Variants in GOT2 observed in about 807,000 individuals in gnomAD.
GOT2 encodes glutamic-oxaloacetic transaminase 2, also known as aspartate aminotransferase, mitochondrial.
A neutral mutation model predicts 50.0 loss-of-function variants in GOT2; 17 were observed. That is an observed-to-expected ratio of 0.34 (90% CI 0.23 to 0.51). The LOEUF (loss-of-function observed/expected upper bound fraction) is 0.51, where lower values mean the gene tolerates loss of function less well. GOT2 is among the 20% of genes least tolerant of loss of function. GOT2 has a pLI of 0.97. For missense variants in GOT2, 430 were observed against 559.6 expected, an observed-to-expected ratio of 0.77 and a Z score of 2.34; for synonymous variants, 172 against 204.9, an observed-to-expected ratio of 0.84 and a Z score of 1.37.
At chr16:58,709,260 CAAAACA>C (rs941731163) in intron 9 of GOT2, 151 bp downstream of exon 9, 9 of 732,938 alleles carry the variant, frequency 1.2e-5, no homozygotes, top group South Asian at 2.2e-5. Context: ...GAGACTGTCT[CAAAACA>C]AAAACAAAAA....
At chr16:58,710,395 TC>T (rs2044636974) in intron 8 of GOT2, among the ~76,000 whole-genome samples, 1 of 150,486 alleles carries the variant, frequency 6.6e-6, no homozygotes, top group Non-Finnish European at 1.5e-5. Context: ...AATTTTCTTT[TC>T]TTTTTTTTTT....
In GOT2 at chr16:58,707,235, C is replaced by G. The variant is rs2044610738; in HGVS notation, c.*936G>C. On this transcript the variant is annotated 3_prime_UTR_variant, in exon 10 of 10. Transcript: ENST00000245206. ...TCCAGTGGGTGAAGCCTGAACCCAG[C>G]TAGCAGCACGCAAAGCCTAGAATAT... 1 of 152,186 alleles carries G rather than the reference C, an allele frequency of 6.6e-6. No individual in the cohort carries two copies. Among genetic ancestry groups the G allele is most frequent in the African/African-American group, 2.4e-5 (1 of 41,422 alleles). 9.4% of individuals were successfully genotyped at this position (152,186 alleles called of 1,614,324 possible). A position where few individuals can be genotyped will look rare whatever the true frequency, so the allele number is the denominator to read the frequency against.
At chr16:58,720,843 C>T (rs762973613) in intron 3 of GOT2, among the ~76,000 whole-genome samples, 3 of 152,026 alleles carry the variant, frequency 2.0e-5, no homozygotes, top group African/African-American at 4.8e-5. Context: ...GCCTTGGTCC[C>T]GGAAAGTGCT....
intron 5 of GOT2, 105 bp downstream of exon 5, chr16:58,718,422 T>C: frequency 7.5e-7 from 1 of 1,335,514 alleles, no homozygotes; most frequent in Non-Finnish European, 1.0e-6. Context: ...GGGAATCAGC[T>C]CTTCCCCAGT....
chr16:58,733,004 G>C (rs2044847982), intron 1 of GOT2, among the ~76,000 whole-genome samples: 1 of 152,234 alleles, frequency 6.6e-6, no homozygotes, highest in African/African-American at 2.4e-5. Flanking sequence ...TGGGGCCTTG[G>C]AAAGGACAGA....
chr16:58,712,099 CT>C, intron 8 of GOT2, among the ~76,000 whole-genome samples: 1 of 152,218 alleles, frequency 6.6e-6, no homozygotes, highest in Admixed American at 6.5e-5. Context: ...AAAAAAAGCC[CT>C]TTCCCCTCTT....
In GOT2 at chr16:58,716,037, G is replaced by C; in HGVS notation, c.996C>G (p.Asn332Lys). 1 of 1,613,254 alleles carries C rather than the reference G, an allele frequency of 6.2e-7. No homozygotes were observed. Among genetic ancestry groups the C allele is most frequent in the Non-Finnish European group, 8.5e-7 (1 of 1,179,820 alleles). The part of the protein sequence containing the change: ...NGARIAAAIL[N>K]TPDLRKQWLQ... The stretch of plus-strand genomic sequence containing the variant: ...ACCATTGTTTTCGCAAATCTGGGGT[G>C]TTCAGAATGGCAGCAGCAATCCGGG... The change falls in exon 8 of 10, where the codon AAC becomes AAG. Residue 332 changes from asparagine to lysine, a missense_variant. Transcript: ENST00000245206.
At chr16:58,718,434 T>TC in intron 5 of GOT2, 93 bp downstream of exon 5, 1 of 1,394,186 alleles carries the variant, frequency 7.2e-7, no homozygotes, top group Non-Finnish European at 9.9e-7. Flanking sequence ...TTCCCCAGTA[T>TC]TTTAACTCAG....
chr16:58,716,457 G>A, intron 7 of GOT2: 2 of 611,210 alleles, frequency 3.3e-6, no homozygotes, highest in Admixed American at 3.4e-5. Flanking sequence ...TTCCTTTGCT[G>A]GAAAAACTTA....
chr16:58,718,406 A>G, intron 5 of GOT2, 106 bp from the exon 6 acceptor site: 4 of 1,333,634 alleles, frequency 3.0e-6, no homozygotes, highest in Non-Finnish European at 4.2e-6. Flanking sequence ...AGGTAACCAG[A>G]ACCCTGGGAA....
intron 1 of GOT2, among the ~76,000 whole-genome samples, chr16:58,732,777 AT>A (rs2044845721): frequency 1.3e-5 from 2 of 152,260 alleles, no homozygotes; most frequent in Admixed American, 6.5e-5. Context: ...ACAAGGTATT[AT>A]TTTAAGATTA....
chr16:58,729,836 C>A (rs2044818849), intron 1 of GOT2, among the ~76,000 whole-genome samples: 1 of 152,044 alleles, frequency 6.6e-6, no homozygotes, highest in Non-Finnish European at 1.5e-5. Flanking sequence ...AGCCCTCCAG[C>A]CTCTGTCTTT....
At chr16:58,724,483 A>G (rs1159547808) in intron 1 of GOT2, among the ~76,000 whole-genome samples, 2 of 152,118 alleles carry the variant, frequency 1.3e-5, no homozygotes, top group African/African-American at 2.4e-5. Flanking sequence ...GGTTTCCCCT[A>G]TTAACATTTT....
intron 1 of GOT2, among the ~76,000 whole-genome samples, chr16:58,728,966 C>T (rs1419752496): frequency 7.9e-5 from 12 of 152,148 alleles, no homozygotes; most frequent in African/African-American, 2.4e-4. Flanking sequence ...GGATTACAGG[C>T]GTGAGCTACC....
intron 8 of GOT2, among the ~76,000 whole-genome samples, chr16:58,711,561 G>C (rs1039935422): frequency 1.6e-4 from 24 of 152,286 alleles, no homozygotes; most frequent in Admixed American, 6.5e-4. Flanking sequence ...GACCAAATAT[G>C]GGACCTAGTA....
At chr16:58,712,114 T>C (rs1646256) in intron 8 of GOT2, among the ~76,000 whole-genome samples, 100,533 of 151,886 alleles carry the variant, frequency 0.66, 33,326 homozygotes, top group Middle Eastern at 0.82. Flanking sequence ...CCCTCTTTAA[T>C]GCACAGCTCA....
intron 9 of GOT2, among the ~76,000 whole-genome samples, chr16:58,708,558 G>A (rs113971084): frequency 0.056 from 8,496 of 151,864 alleles, 503 homozygotes; most frequent in African/African-American, 0.16. Context: ...GGCAGAGGCT[G>A]CAGTGAGCCG....
intron 1 of GOT2, among the ~76,000 whole-genome samples, chr16:58,730,381 G>C (rs1356949724): frequency 9.0e-6 from 1 of 111,202 alleles, no homozygotes; most frequent in Non-Finnish European, 1.8e-5. Flanking sequence ...TCCCCTCCTA[G>C]AGGGATACAA....
intron 2 of GOT2, among the ~76,000 whole-genome samples, chr16:58,722,928 A>G (rs536713370): frequency 6.6e-6 from 1 of 152,326 alleles, no homozygotes; most frequent in East Asian, 1.9e-4. Context: ...TACAAAAGAG[A>G]AAGCATGTCA....
Sources: allele counts gnomAD v4.1 joint callset (sites outside exome capture counted in the v4.1 genomes callset), GRCh38; gene constraint gnomAD v4.1.1; transcripts MANE v1.5; gene names NCBI Gene and HGNC (gene_info 2026-07-23, HGNC 2026-07-21).